The following GEN1 variants were observed in gnomAD, a reference collection of about 807,000 sequenced individuals.
The protein encoded by GEN1 is flap endonuclease GEN homolog 1.
A neutral mutation model predicts 67.6 loss-of-function variants in GEN1; 64 were observed. The observed-to-expected ratio is 0.95, with a 90% CI of 0.77 to 1.17. The LOEUF (loss-of-function observed/expected upper bound fraction) is 1.17. Among genes scored for constraint, GEN1 ranks in the 50% most tolerant of loss-of-function variants. GEN1 has a pLI of 0.00. For missense variants in GEN1, 1,058 were observed against 1,048.3 expected (o/e 1.01, Z -0.13); for synonymous variants, 371 against 359.4 (o/e 1.03, Z -0.37).
intron 1 of GEN1, among the ~76,000 whole-genome samples, chr2:17,757,981 T>C (rs1032482259): frequency 3.9e-5 from 6 of 152,208 alleles, no homozygotes; most frequent in Admixed American, 1.3e-4. Flanking sequence ...ATCCCTAACA[T>C]ATTCATACCT....
Position 17,755,214 on chromosome 2 carries a change from G to A in GEN1, c.-16+869G>A, listed in dbSNP as rs537447061. The stretch of plus-strand genomic sequence containing the variant: ...ACATCTGGCCTTGTTGTAACCAATG[G>A]GAAACACGGTTGGGAGGTCCCTACT... On this transcript the variant is annotated intron_variant, in intron 1 of 13. Transcript: ENST00000381254. 3 of 152,294 alleles carry A rather than the reference G, an allele frequency of 2.0e-5. No individual in the cohort carries two copies. The South Asian group carries it at 6.2e-4, about 32-fold the overall frequency. 9.4% of individuals were successfully genotyped at this position (152,294 alleles called of 1,614,324 possible). A position where few individuals can be genotyped will look rare whatever the true frequency, so the allele number is the denominator to read the frequency against.
chr2:17,759,459 CT>C (rs1178020407), intron 1 of GEN1, among the ~76,000 whole-genome samples: 6 of 152,166 alleles, frequency 3.9e-5, no homozygotes, highest in Non-Finnish European at 8.8e-5. Flanking sequence ...AGCCAACGCC[CT>C]TTTAAGAAAG....
chr2:17,777,657 A>C lies in GEN1; in HGVS notation c.1203-345A>C, dbSNP rs146345626. Among the ~76,000 whole-genome samples the C allele has an allele frequency of 4.6e-3, 706 of 152,306 alleles. 8 individuals carry two copies. Among genetic ancestry groups the C allele is most frequent in the African/African-American group, 0.016 (661 of 41,594 alleles). ...CAGCTTACAAGGTACATGTAGAATA[A>C]TACTACACAGAGTTTGAAAATAAAG... On this transcript the variant is annotated intron_variant, in intron 11 of 13. Transcript: ENST00000381254.
At position 17,772,634 on chromosome 2, in the gene GEN1, G is replaced by T. The variant is rs139945353; in HGVS notation, c.803G>T (p.Gly268Val). The T allele has an allele frequency of 6.2e-7, 1 of 1,602,428 alleles. No homozygotes were observed. The highest frequency in any genetic ancestry group is 1.3e-5 in the African/African-American group (1 of 74,336). ...ATACTTTTTTTGGGTCTCCATAAAG[G>T]TTCACCTAAGGATCATGAACGTAAT... ...LAHCSVCSHPGSPKDHERNGC... is the reference protein window; with the variant it reads ...LAHCSVCSHPVSPKDHERNGC... The change falls in exon 8 of 14, where the codon GGT (glycine) becomes GTT (valine). Residue 268 changes from glycine to valine, a missense_variant and splice_region_variant. Transcript: ENST00000381254.
intron 10 of GEN1, 104 bp downstream of exon 10, chr2:17,773,403 A>G: frequency 1.5e-6 from 1 of 681,026 alleles, no homozygotes; most frequent in Non-Finnish European, 2.5e-6. Context: ...AAATTAAAAC[A>G]GGCAGCTCTT....
chr2:17,762,255 G>A (rs1232512397), intron 3 of GEN1, among the ~76,000 whole-genome samples: 3 of 142,028 alleles, frequency 2.1e-5, no homozygotes, highest in Non-Finnish European at 4.5e-5. Context: ...AGGCTGGAGT[G>A]CAGTGGCGCA....
chr2:17,762,369 GT>G (rs551425362), intron 3 of GEN1, among the ~76,000 whole-genome samples: 6 of 149,792 alleles, frequency 4.0e-5, no homozygotes, highest in African/African-American at 1.5e-4. Flanking sequence ...ACCTGGCTAA[GT>G]TTTTTTTGTT....
Position 17,759,932 on chromosome 2 carries a change from A to G in GEN1, c.-12A>G, listed in dbSNP as rs200070178. The G allele has an allele frequency of 2.3e-4, 369 of 1,613,170 alleles. 1 individual carries two copies. In the African/African-American group the frequency reaches 4.5e-3, roughly 20 times the overall value. ...TAAAGTGTGTTTCACATAACAGCAG[A>G]TAATCACCAGAATGGGAGTGAATGA... On this transcript the variant is annotated 5_prime_UTR_variant, in exon 2 of 14. Transcript: ENST00000381254.
intron 1 of GEN1, chr2:17,755,030 C>T (rs1357987620): frequency 1.3e-5 from 2 of 152,234 alleles, no homozygotes; most frequent in Non-Finnish European, 2.9e-5. Flanking sequence ...CTCACTCCAC[C>T]TCCAAATAAA....
rs1420111536 is a variant in GEN1, at chr2:17,781,800, A to G, written c.2588A>G (p.Glu863Gly). 6.2e-7 allele frequency: 1 copy of G among 1,612,438 alleles called. No homozygotes were observed. The highest frequency in any genetic ancestry group is 8.5e-7 in the Non-Finnish European group (1 of 1,179,256). The change falls in exon 14 of 14, where the codon GAA (glutamate) becomes GGA (glycine). Residue 863 changes from glutamate (E) to glycine (G), a missense_variant. Glu to Gly is a moderately conservative substitution (Grantham distance 98). Transcript: ENST00000381254. ...AGATCTTATGAAACAGCTGAAAATG[A>G]AGAAAGCTGTTTCCCAGATTCAACA... ...CVRSYETAEN[E>G]ESCFPDSTKS...
At chr2:17,778,290 A>ATATATG (rs1672595840) in intron 12 of GEN1, among the ~76,000 whole-genome samples, 2 of 46,274 alleles carry the variant, frequency 4.3e-5, no homozygotes, top group African/African-American at 5.4e-5. Flanking sequence ...ATACACACAC[A>ATATATG]TGTGTGTGTA....
intron 11 of GEN1, among the ~76,000 whole-genome samples, chr2:17,776,761 A>G (rs1672452847): frequency 6.6e-6 from 1 of 152,236 alleles, no homozygotes; most frequent in Non-Finnish European, 1.5e-5. Context: ...AATCATTAAA[A>G]CATTATTCAT....
chr2:17,782,781 A>G lies in GEN1; in HGVS notation c.*842A>G, dbSNP rs374861666. On this transcript the variant is annotated 3_prime_UTR_variant, in exon 14 of 14. Transcript: ENST00000381254. ...TGCCTGCTAATTTTTTTATTTTTCT[A>G]TTTTTTCCTTCTATAGCACTTTTCC... The G allele has an allele frequency of 6.6e-6, 1 of 152,104 alleles. No individual in the cohort carries two copies. The allele number at this position is 152,104 out of a possible 1,614,324, so 9.4% of individuals were successfully genotyped here. A position where few individuals can be genotyped will look rare whatever the true frequency, so the allele number is the denominator to read the frequency against.
chr2:17,769,514 T>C (rs1672088739), intron 6 of GEN1, among the ~76,000 whole-genome samples: 1 of 152,238 alleles, frequency 6.6e-6, no homozygotes, highest in African/African-American at 2.4e-5. Context: ...AAGATAAACA[T>C]GACATTAAAA....
intron 4 of GEN1, 29 bp from the exon 5 acceptor site, chr2:17,766,550 G>A: frequency 8.7e-7 from 1 of 1,145,348 alleles, no homozygotes. Flanking sequence ...TACTTTTTGA[G>A]GATTAAACTA....
At position 17,773,214 on chromosome 2, in the gene GEN1, G is replaced by A; in HGVS notation, c.991-5G>A. ...CTCAGTTTCTATTTTCTTTTTTCTT[G>A]CTAGGTTATTCAAGAATTCCTTTTA... is the stretch of plus-strand genomic sequence containing the variant. On this transcript the variant is annotated splice_polypyrimidine_tract_variant and splice_region_variant and intron_variant, in intron 9 of 13. Transcript: ENST00000381254. 6.3e-7 allele frequency: 1 copy of A among 1,590,572 alleles called. No individual in the cohort carries two copies. The highest frequency in any genetic ancestry group is 8.6e-7 in the Non-Finnish European group (1 of 1,163,988).
intron 13 of GEN1, 22 bp downstream of exon 13, chr2:17,780,143 T>C (rs2125175237): frequency 6.3e-7 from 1 of 1,593,870 alleles, no homozygotes; most frequent in Non-Finnish European, 8.6e-7. Flanking sequence ...GTTTGATAGC[T>C]ATTTATGCCA....
In GEN1 at chr2:17,780,971, A is replaced by G. The variant is rs1161304540; in HGVS notation, c.1759A>G (p.Thr587Ala). 3 of 1,613,536 alleles carry G rather than the reference A, an allele frequency of 1.9e-6. No homozygotes were observed. Among genetic ancestry groups the G allele is most frequent in the Non-Finnish European group, 2.5e-6 (3 of 1,179,534 alleles). The change falls in exon 14 of 14, where the codon ACT becomes GCT. Residue 587 changes from threonine to alanine, a missense_variant. Coordinates refer to ENST00000381254, the MANE Select transcript of GEN1 (RefSeq NM_001130009.3). The stretch of plus-strand genomic sequence containing the variant: ...CGTGATTGCTGATCTACACTTGAGC[A>G]CTATTGACTGGGAAGGTACTTCTTT... Reference protein sequence around the residue: ...ISVIADLHLSTIDWEGTSFSN... With the variant: ...ISVIADLHLSAIDWEGTSFSN...
intron 5 of GEN1, among the ~76,000 whole-genome samples, chr2:17,768,229 C>T (rs529360315): frequency 3.7e-4 from 57 of 152,242 alleles, no homozygotes; most frequent in African/African-American, 1.3e-3. Context: ...ATATCATTTT[C>T]GTATATTGGA....
Sources: allele counts gnomAD v4.1 joint callset (sites outside exome capture counted in the v4.1 genomes callset), GRCh38; gene constraint gnomAD v4.1.1; transcripts MANE v1.5; gene names NCBI Gene and HGNC (gene_info 2026-07-23, HGNC 2026-07-21).